The following ATG13 variants were observed in gnomAD, a reference collection of about 807,000 sequenced individuals.
ATG13 encodes autophagy-related protein 13.
In ATG13, 23 loss-of-function variants were observed where a neutral mutation model predicts 65.5. The ratio of observed to expected loss-of-function variants is 0.35; its 90% confidence interval spans 0.25 to 0.50. The LOEUF (loss-of-function observed/expected upper bound fraction) is 0.50. Ranked by LOEUF, ATG13 falls within the 20% of genes least tolerant of loss-of-function variation. The pLI, the probability that ATG13 is intolerant of heterozygous loss-of-function variation, is 0.98. For synonymous variants in ATG13, 252 were observed against 245.2 expected (o/e 1.03, Z -0.26); for missense variants, 566 against 677.0 (o/e 0.84, Z 1.82).
intron 9 of ATG13, 109 bp from the exon 10 acceptor site, chr11:46,657,415 A>G (rs539195799): frequency 8.8e-7 from 1 of 1,130,622 alleles, no homozygotes; most frequent in African/African-American, 1.5e-5. Context: ...TGATAGTTAA[A>G]GCTCTGGTAG....
In ATG13 at chr11:46,657,615, A is replaced by C; in HGVS notation, c.688A>C (p.Asn230His). 1 of 1,600,084 alleles carries C rather than the reference A, an allele frequency of 6.2e-7. No homozygotes were observed. The highest frequency in any genetic ancestry group is 8.5e-7 in the Non-Finnish European group (1 of 1,173,086). Residue 230 changes from asparagine to histidine, a missense_variant, in exon 10 of 19, where the codon AAT becomes CAT. Physicochemically the swap from Asn to His is moderately conservative, Grantham distance 68. Transcript: ENST00000683050. ...CAGCTCCTCTCCCATGCACCCCTGC[A>C]ATTACAGGTGAGGAATGTGAAAAGG... ...YPSSSPMHPC[N>H]YRTAGEDTGV...
chr11:46,623,489 G>A (rs960602038), intron 1 of ATG13, among the ~76,000 whole-genome samples: 19 of 151,806 alleles, frequency 1.3e-4, no homozygotes, highest in Non-Finnish European at 2.6e-4. Flanking sequence ...GTGCAGTGGC[G>A]CAGTCTTGGC....
intron 1 of ATG13, among the ~76,000 whole-genome samples, chr11:46,629,099 T>C (rs1049647128): frequency 6.6e-6 from 1 of 151,996 alleles, no homozygotes; most frequent in Non-Finnish European, 1.5e-5. Context: ...TGCGCCACCA[T>C]GCCTGGCTAA....
At chr11:46,640,526 A>G (rs981656853) in intron 2 of ATG13, among the ~76,000 whole-genome samples, 1 of 152,182 alleles carries the variant, frequency 6.6e-6, no homozygotes, top group East Asian at 1.9e-4. Context: ...ACAAAAGAAG[A>G]TATCTTAGCT....
intron 1 of ATG13, among the ~76,000 whole-genome samples, chr11:46,629,656 C>T (rs1565434100): frequency 6.6e-6 from 1 of 152,140 alleles, no homozygotes; most frequent in Non-Finnish European, 1.5e-5. Flanking sequence ...TTCGGCCTCC[C>T]AAAATGCTGG....
chr11:46,617,710 C>T lies in ATG13; in HGVS notation c.-250C>T, dbSNP rs1591290331. 1.0e-5 allele frequency: 4 copies of T among 397,540 alleles called. No homozygotes were observed. The East Asian group carries it at 1.4e-4, about 14-fold the overall frequency. The allele number at this position is 397,540 out of a possible 1,614,324, so 24.6% of individuals were successfully genotyped here. A position where few individuals can be genotyped will look rare whatever the true frequency, so the allele number is the denominator to read the frequency against. ...GCGACAACTCGCGGAGTCTTAGGAGCAAAACGTCTGGGGCCTGCGAGCCAG... is the reference window on the plus strand; with the variant it reads ...GCGACAACTCGCGGAGTCTTAGGAGTAAAACGTCTGGGGCCTGCGAGCCAG... On this transcript the variant is annotated 5_prime_UTR_variant, in exon 1 of 19. Coordinates refer to ENST00000683050, the MANE Select transcript of ATG13 (RefSeq NM_001346311.2).
intron 1 of ATG13, among the ~76,000 whole-genome samples, chr11:46,622,076 C>CATATATATATATATAT (rs58391951): frequency 7.0e-5 from 5 of 71,844 alleles, no homozygotes; most frequent in Admixed American, 2.2e-4. Context: ...TATTTATTTA[C>CATATATATATATATAT]ATATATATAT....
chr11:46,633,307 C>T (rs1434897966), intron 2 of ATG13, among the ~76,000 whole-genome samples: 2 of 151,230 alleles, frequency 1.3e-5, no homozygotes, highest in African/African-American at 4.9e-5. Flanking sequence ...AAGCGTGAGC[C>T]ACTGCACCCA....
At chr11:46,623,132 C>CAA (rs59376067) in intron 1 of ATG13, among the ~76,000 whole-genome samples, 1 of 142,844 alleles carries the variant, frequency 7.0e-6, no homozygotes. Flanking sequence ...ACTAAAAATA[C>CAA]AAAAAAAAAA....
chr11:46,628,271 A>G (rs1360110230), intron 1 of ATG13, among the ~76,000 whole-genome samples: 1 of 151,956 alleles, frequency 6.6e-6, no homozygotes, highest in Non-Finnish European at 1.5e-5. Flanking sequence ...GTGTGGTGGC[A>G]TGTGCCTCTG....
intron 10 of ATG13, among the ~76,000 whole-genome samples, chr11:46,658,693 G>A (rs1311134642): frequency 1.3e-5 from 2 of 151,918 alleles, no homozygotes; most frequent in African/African-American, 4.8e-5. Context: ...GCGCCACCAC[G>A]CCCGGTTAAT....
chr11:46,669,939 C>T (rs540190527), intron 18 of ATG13, among the ~76,000 whole-genome samples: 3 of 152,216 alleles, frequency 2.0e-5, no homozygotes, highest in South Asian at 2.1e-4. Context: ...GAGCTCACTC[C>T]GTCATCTAGC....
intron 11 of ATG13, among the ~76,000 whole-genome samples, chr11:46,661,077 G>A (rs1292256493): frequency 1.3e-5 from 2 of 152,006 alleles, no homozygotes; most frequent in African/African-American, 2.4e-5. Context: ...CAAGGCTGGA[G>A]TGCAGTAGCG....
intron 11 of ATG13, 185 bp downstream of exon 11, chr11:46,659,670 C>A: frequency 1.9e-6 from 1 of 528,322 alleles, no homozygotes; most frequent in Non-Finnish European, 3.4e-6. Flanking sequence ...TGTAATTATT[C>A]ATAACCTTCA....
chr11:46,668,962 A>G (rs771807283), intron 17 of ATG13, 52 bp downstream of exon 17: 2 of 1,396,600 alleles, frequency 1.4e-6, no homozygotes, highest in Non-Finnish European at 2.0e-6. Context: ...AACTAGACCT[A>G]GAAGCATCTA....
At chr11:46,625,103 G>A (rs2049027387) in intron 1 of ATG13, among the ~76,000 whole-genome samples, 1 of 151,356 alleles carries the variant, frequency 6.6e-6, no homozygotes, top group African/African-American at 2.4e-5. Flanking sequence ...CAAGATGGGA[G>A]GATCACTTGA....
chr11:46,669,631 T>A (rs1024223980), intron 18 of ATG13, 99 bp downstream of exon 18: 2 of 1,351,604 alleles, frequency 1.5e-6, no homozygotes, highest in Non-Finnish European at 2.0e-6. Context: ...TTCCCTGTAA[T>A]AGGAAAGAGA....
At chr11:46,650,494 A>G (rs2058670287) in intron 7 of ATG13, among the ~76,000 whole-genome samples, 177 bp downstream of exon 7, 1 of 152,184 alleles carries the variant, frequency 6.6e-6, no homozygotes, top group South Asian at 2.1e-4. Flanking sequence ...CACCCTTCCA[A>G]AGCCACCAGG....
intron 5 of ATG13, among the ~76,000 whole-genome samples, chr11:46,648,431 T>G (rs1449439844): frequency 2.0e-5 from 3 of 152,024 alleles, no homozygotes; most frequent in Non-Finnish European, 4.4e-5. Flanking sequence ...TAATGAAAAT[T>G]AGAAACAACC....
Sources: allele counts gnomAD v4.1 joint callset (sites outside exome capture counted in the v4.1 genomes callset), GRCh38; gene constraint gnomAD v4.1.1; transcripts MANE v1.5; gene names NCBI Gene and HGNC (gene_info 2026-07-23, HGNC 2026-07-21).